Variants in GARNL3 observed in about 807,000 individuals in gnomAD.
The protein encoded by GARNL3 is GTPase activating Rap/RanGAP domain like 3.
In GARNL3, 63 loss-of-function variants were observed where a neutral mutation model predicts 125.0. That is an observed-to-expected ratio of 0.50 (90% CI 0.41 to 0.62). The LOEUF (loss-of-function observed/expected upper bound fraction) is 0.62, where lower values mean the gene tolerates loss of function less well. GARNL3 is among the 20% of genes least tolerant of loss of function. The pLI is 0.00. For synonymous variants in GARNL3, 439 were observed against 457.5 expected, an observed-to-expected ratio of 0.96 and a Z score of 0.52; for missense variants, 994 against 1,244.0, an observed-to-expected ratio of 0.80 and a Z score of 3.02.
intron 17 of GARNL3, among the ~76,000 whole-genome samples, chr9:127,349,265 T>C (rs1390013566): frequency 6.6e-6 from 1 of 152,142 alleles, no homozygotes; most frequent in African/African-American, 2.4e-5. Context: ...TCCCAAAATA[T>C]ATGATGGGAC....
At chr9:127,329,292 G>A (rs1486661128) in intron 7 of GARNL3, among the ~76,000 whole-genome samples, 1 of 151,982 alleles carries the variant, frequency 6.6e-6, no homozygotes, top group Non-Finnish European at 1.5e-5. Context: ...ATTTAAACTG[G>A]GACCCTTTGA....
chr9:127,263,129 T>C (rs556662320), upstream of GARNL3, among the ~76,000 whole-genome samples: 1 of 152,332 alleles, frequency 6.6e-6, no homozygotes, highest in African/African-American at 2.4e-5. Flanking sequence ...GTTGTTTTCA[T>C]AGGACGTTGT....
At chr9:127,321,441 A>G (rs1204929433) in intron 6 of GARNL3, among the ~76,000 whole-genome samples, 1 of 152,210 alleles carries the variant, frequency 6.6e-6, no homozygotes, top group Non-Finnish European at 1.5e-5. Flanking sequence ...AGATTTTTAA[A>G]AAGTTAATAA....
At chr9:127,389,875 T>G (rs1026119314) in intron 26 of GARNL3, among the ~76,000 whole-genome samples, 2 of 141,800 alleles carry the variant, frequency 1.4e-5, no homozygotes, top group East Asian at 4.3e-4. Context: ...GACCCATGAT[T>G]ACACCACTGC....
chr9:127,278,059 A>G (rs141683064), intron 1 of GARNL3, among the ~76,000 whole-genome samples: 5 of 152,296 alleles, frequency 3.3e-5, no homozygotes, highest in South Asian at 2.1e-4. Flanking sequence ...TAAATTTTTT[A>G]TATTACTTCA....
At chr9:127,340,065 A>C (rs773161218) in intron 13 of GARNL3, among the ~76,000 whole-genome samples, 1 of 148,836 alleles carries the variant, frequency 6.7e-6, no homozygotes, top group Non-Finnish European at 1.5e-5. Context: ...TTGTATATGT[A>C]TCTGTATCTG....
chr9:127,279,359 G>GT (rs1210775008), intron 1 of GARNL3, among the ~76,000 whole-genome samples: 1 of 151,970 alleles, frequency 6.6e-6, no homozygotes, highest in African/African-American at 2.4e-5. Flanking sequence ...ATTATTGCTT[G>GT]TTTTTTCCCC....
At chr9:127,292,683 C>A (rs1218355397) in intron 2 of GARNL3, among the ~76,000 whole-genome samples, 1 of 152,248 alleles carries the variant, frequency 6.6e-6, no homozygotes, top group African/African-American at 2.4e-5. Flanking sequence ...CCAGGAAAGA[C>A]ATCAATGGGG....
intron 2 of GARNL3, among the ~76,000 whole-genome samples, chr9:127,258,172 G>A (rs7020808): frequency 2.2e-3 from 332 of 152,270 alleles, no homozygotes; most frequent in Middle Eastern, 0.017. Flanking sequence ...GGAACACATG[G>A]TATTGTACCC....
At chr9:127,382,412 T>C (rs547956857) in intron 22 of GARNL3, among the ~76,000 whole-genome samples, 2 of 151,376 alleles carry the variant, frequency 1.3e-5, no homozygotes, top group East Asian at 1.9e-4. Context: ...AGCTCAGGAG[T>C]TGGAAACCAG....
At position 127,272,543 on chromosome 9, in the gene GARNL3, G is replaced by A. The variant is rs139021284; in HGVS notation, c.144+7522G>A. Among the ~76,000 whole-genome samples, 304 of 151,402 alleles carry A rather than the reference G, an allele frequency of 2.0e-3. 8 individuals are homozygous for A. In the East Asian group the frequency reaches 0.026, roughly 13 times the overall value. ...ACTCTGTTCCCCAGGCTGGTGGCTC[G>A]ATCTCGGCTCACTGCAACCTCTGCC... On this transcript the variant is annotated intron_variant, in intron 1 of 27. Coordinates refer to ENST00000373387, the MANE Select transcript of GARNL3 (RefSeq NM_032293.5).
chr9:127,252,430 C>T (rs1038100790), intron 2 of GARNL3, among the ~76,000 whole-genome samples: 1 of 152,148 alleles, frequency 6.6e-6, no homozygotes, highest in Admixed American at 6.5e-5. Context: ...GTAAGCTGGA[C>T]ACCACAATAA....
intron 26 of GARNL3, among the ~76,000 whole-genome samples, chr9:127,390,246 T>G (rs901741840): frequency 1.6e-4 from 25 of 152,324 alleles, no homozygotes; most frequent in African/African-American, 6.0e-4. Flanking sequence ...TGCCTTCTAC[T>G]GTGTTTTGAA....
chr9:127,225,478 G>A (rs2062891413), intron 1 of GARNL3: 3 of 602,942 alleles, frequency 5.0e-6, no homozygotes, highest in African/African-American at 4.0e-5. Flanking sequence ...AAGGGACAGC[G>A]GGGCGAGGCC....
intron 16 of GARNL3, among the ~76,000 whole-genome samples, chr9:127,345,832 T>C (rs1830107610): frequency 6.6e-6 from 1 of 152,272 alleles, no homozygotes; most frequent in Admixed American, 6.5e-5. Flanking sequence ...TGAGAGTCTG[T>C]GTTTCCAACA....
chr9:127,225,909 C>A (rs1280071698), intron 1 of GARNL3, among the ~76,000 whole-genome samples: 1 of 151,756 alleles, frequency 6.6e-6, no homozygotes, highest in South Asian at 2.1e-4. Context: ...GCTCTTCCCC[C>A]GGGGCCTCTC....
chr9:127,258,028 A>G (rs1029636996), intron 2 of GARNL3, among the ~76,000 whole-genome samples: 1 of 151,990 alleles, frequency 6.6e-6, no homozygotes, highest in Non-Finnish European at 1.5e-5. Context: ...AAACAGGCTC[A>G]GAGAGGATAA....
intron 2 of GARNL3, among the ~76,000 whole-genome samples, chr9:127,248,369 CAT>C (rs1450666255): frequency 5.9e-5 from 9 of 152,092 alleles, no homozygotes; most frequent in African/African-American, 2.2e-4. Context: ...CGTGGGGGCC[CAT>C]CTGTTTCCAT....
At chr9:127,323,658 T>A (rs538864166) in intron 6 of GARNL3, among the ~76,000 whole-genome samples, 1 of 152,302 alleles carries the variant, frequency 6.6e-6, no homozygotes, top group Admixed American at 6.5e-5. Flanking sequence ...TTAAAAGGAC[T>A]GGGCGTGAGA....
Sources: gnomAD v4.1 joint callset for allele counts (sites outside exome capture counted in the v4.1 genomes callset) on GRCh38, gnomAD v4.1.1 for gene constraint, MANE v1.5 for transcripts, NCBI Gene and HGNC (gene_info 2026-07-23, HGNC 2026-07-21) for gene names.